The following HS6ST3 variants were observed in gnomAD, a reference collection of about 807,000 sequenced individuals.
HS6ST3 encodes the protein heparan-sulfate 6-O-sulfotransferase 3.
In HS6ST3, 12 loss-of-function variants were observed where a neutral mutation model predicts 36.7. The ratio of observed to expected loss-of-function variants is 0.33; its 90% CI spans 0.21 to 0.53. The LOEUF (loss-of-function observed/expected upper bound fraction) is 0.53, where lower values mean the gene tolerates loss of function less well. HS6ST3 is among the 20% of genes least tolerant of loss of function. The pLI is 0.95. For synonymous variants in HS6ST3, 240 were observed against 257.5 expected (o/e 0.93, Z 0.65); for missense variants, 584 against 640.9 (o/e 0.91, Z 0.96).
intron 1 of HS6ST3, among the ~76,000 whole-genome samples, chr13:96,446,539 C>T (rs899213506): frequency 6.6e-6 from 1 of 152,144 alleles, no homozygotes; most frequent in Non-Finnish European, 1.5e-5. Context: ...GGTGTGACCT[C>T]CCTCTTCACA....
chr13:96,392,979 G>T (rs2055403386), intron 1 of HS6ST3, among the ~76,000 whole-genome samples: 1 of 152,140 alleles, frequency 6.6e-6, no homozygotes, highest in Non-Finnish European at 1.5e-5. Flanking sequence ...CCTGCTATGG[G>T]AGGGACCTGG....
chr13:96,173,537 T>C (rs2054198185), intron 1 of HS6ST3, among the ~76,000 whole-genome samples: 1 of 152,014 alleles, frequency 6.6e-6, no homozygotes, highest in Admixed American at 6.6e-5. Flanking sequence ...TAAAACCTAT[T>C]ATAAGAGAGG....
intron 1 of HS6ST3, among the ~76,000 whole-genome samples, chr13:96,184,221 A>ATAG (rs34964862): frequency 3.3e-5 from 2 of 61,046 alleles, no homozygotes; most frequent in East Asian, 4.6e-4. Flanking sequence ...AAAAAAAAAA[A>ATAG]AGAGAGAGAG....
At chr13:96,158,516 G>A (rs1309201104) in intron 1 of HS6ST3, among the ~76,000 whole-genome samples, 1 of 151,952 alleles carries the variant, frequency 6.6e-6, no homozygotes, top group East Asian at 1.9e-4. Flanking sequence ...AGCCGGGCAT[G>A]GTGGTACATG....
intron 1 of HS6ST3, among the ~76,000 whole-genome samples, chr13:96,396,245 C>T (rs1276536984): frequency 2.7e-5 from 4 of 150,074 alleles, no homozygotes; most frequent in Non-Finnish European, 4.5e-5. Context: ...GCCCAGGAGG[C>T]AGAGATTACA....
chr13:96,696,169 G>A (rs978590592), intron 1 of HS6ST3, among the ~76,000 whole-genome samples: 2 of 152,136 alleles, frequency 1.3e-5, no homozygotes, highest in Non-Finnish European at 2.9e-5. Flanking sequence ...AAATCCATAG[G>A]CCAGGCTGTC....
At chr13:96,194,105 C>A (rs1335753334) in intron 1 of HS6ST3, among the ~76,000 whole-genome samples, 1 of 152,186 alleles carries the variant, frequency 6.6e-6, no homozygotes, top group East Asian at 1.9e-4. Flanking sequence ...TTTTCCCCTG[C>A]CCATTCTCAA....
intron 1 of HS6ST3, among the ~76,000 whole-genome samples, chr13:96,511,705 C>A (rs2056050560): frequency 6.6e-6 from 1 of 151,328 alleles, no homozygotes; most frequent in African/African-American, 2.4e-5. Flanking sequence ...ACTTGGTGTC[C>A]TTAGGTGAAC....
chr13:96,183,875 G>A (rs554864219), intron 1 of HS6ST3, among the ~76,000 whole-genome samples: 24 of 152,230 alleles, frequency 1.6e-4, no homozygotes, highest in African/African-American at 5.3e-4. Flanking sequence ...CAATGCAAAT[G>A]TAATTAATGA....
chr13:96,436,903 A>G (rs1052954939), intron 1 of HS6ST3, among the ~76,000 whole-genome samples: 2 of 152,170 alleles, frequency 1.3e-5, no homozygotes, highest in African/African-American at 2.4e-5. Context: ...AAAAGTGAAC[A>G]TTCAAATACA....
At chr13:96,332,774 C>G (rs2055078437) in intron 1 of HS6ST3, among the ~76,000 whole-genome samples, 1 of 152,192 alleles carries the variant, frequency 6.6e-6, no homozygotes, top group Non-Finnish European at 1.5e-5. Context: ...AGTGTAGTGT[C>G]TATTTATATG....
intron 1 of HS6ST3, among the ~76,000 whole-genome samples, chr13:96,558,000 A>G (rs2056247568): frequency 6.6e-6 from 1 of 152,072 alleles, no homozygotes; most frequent in Admixed American, 6.5e-5. Flanking sequence ...TAAATTCTCT[A>G]TTTGCTTTGG....
At chr13:96,225,324 G>A (rs185365533) in intron 1 of HS6ST3, among the ~76,000 whole-genome samples, 1 of 152,294 alleles carries the variant, frequency 6.6e-6, no homozygotes, top group East Asian at 1.9e-4. Context: ...GCTATATGGG[G>A]TTTATTCCTT....
chr13:96,601,738 A>C lies in HS6ST3; in HGVS notation c.708-230752A>C, dbSNP rs868677102. On this transcript the variant is annotated intron_variant, in intron 1 of 1. Transcript: ENST00000376705. ...TGGTTACTTCTCATTTTGGTAGACT[A>C]TTTATTGTGATTATTTCTTAATTTA... Among the ~76,000 whole-genome samples, 115 of 152,128 alleles carry C rather than the reference A, an allele frequency of 7.6e-4. No individual in the cohort carries two copies. In the Middle Eastern group the frequency reaches 0.017, roughly 22 times the overall value.
chr13:96,254,137 C>T (rs181032278), intron 1 of HS6ST3, among the ~76,000 whole-genome samples: 258 of 151,898 alleles, frequency 1.7e-3, no homozygotes, highest in African/African-American at 3.1e-3. Flanking sequence ...TTTTTCCAGC[C>T]GGGCGCGGTG....
At chr13:96,300,845 G>T (rs1486760084) in intron 1 of HS6ST3, among the ~76,000 whole-genome samples, 1 of 152,126 alleles carries the variant, frequency 6.6e-6, no homozygotes, top group East Asian at 1.9e-4. Flanking sequence ...ACAACTTAAT[G>T]ACCTCAAGAG....
chr13:96,404,015 A>G (rs915920764), intron 1 of HS6ST3, among the ~76,000 whole-genome samples: 2 of 152,170 alleles, frequency 1.3e-5, no homozygotes, highest in South Asian at 4.1e-4. Context: ...TGTCTTTAGT[A>G]ATGTCTTCTA....
At chr13:96,357,063 T>C (rs542358002) in intron 1 of HS6ST3, among the ~76,000 whole-genome samples, 13 of 152,350 alleles carry the variant, frequency 8.5e-5, no homozygotes, top group Admixed American at 5.9e-4. Flanking sequence ...ACTTTGCTTC[T>C]GCAATTTCCT....
At chr13:96,540,460 A>G (rs1292781637) in intron 1 of HS6ST3, among the ~76,000 whole-genome samples, 3 of 150,600 alleles carry the variant, frequency 2.0e-5, no homozygotes, top group Non-Finnish European at 4.4e-5. Flanking sequence ...CATTTTATCT[A>G]CAAAATTATA....
Sources: allele counts gnomAD v4.1 joint callset (sites outside exome capture counted in the v4.1 genomes callset), GRCh38; gene constraint gnomAD v4.1.1; transcripts MANE v1.5; gene names NCBI Gene and HGNC (gene_info 2026-07-23, HGNC 2026-07-21).